ITPR1: variants seen among roughly 807,000 people sequenced by gnomAD.
The protein encoded by ITPR1 is inositol 1,4,5-trisphosphate-gated calcium channel ITPR1.
A neutral mutation model predicts 318.4 loss-of-function variants in ITPR1; 96 were observed. That is an observed-to-expected ratio of 0.30 (90% confidence interval 0.26 to 0.36). ITPR1 has a LOEUF of 0.36. Ranked by LOEUF, ITPR1 falls within the 10% of genes least tolerant of loss-of-function variation. ITPR1 has a pLI of 1.00. For missense variants in ITPR1, 2,440 were observed against 3,460.2 expected, an observed-to-expected ratio of 0.71 and a Z score of 7.40; for synonymous variants, 1,312 against 1,289.9, an observed-to-expected ratio of 1.02 and a Z score of -0.37.
At chr3:4,609,549 A>G (rs557944308) in intron 4 of ITPR1, among the ~76,000 whole-genome samples, 4 of 152,230 alleles carry the variant, frequency 2.6e-5, no homozygotes, top group South Asian at 2.1e-4. Context: ...TCAAAACTAT[A>G]TGAGGCCATG....
intron 4 of ITPR1, among the ~76,000 whole-genome samples, chr3:4,552,328 A>C (rs1363913885): frequency 6.6e-6 from 1 of 152,204 alleles, no homozygotes; most frequent in Non-Finnish European, 1.5e-5. Flanking sequence ...CTGACACACC[A>C]GTCTGGGCCT....
chr3:4,521,350 T>G lies in ITPR1; in HGVS notation c.163+256T>G, dbSNP rs536962042. Among the ~76,000 whole-genome samples, 3 of 152,324 alleles carry G rather than the reference T, an allele frequency of 2.0e-5. No individual in the cohort carries two copies. In the South Asian group the frequency reaches 6.2e-4, roughly 32 times the overall value. On this transcript the variant is annotated intron_variant, in intron 4 of 61. Transcript: ENST00000649015. ...TGACAAGTGCTAATTCGGTTTAAAGTCTTACATTTGTACAGGTATTTCTTC... is the reference window on the plus strand; with the variant it reads ...TGACAAGTGCTAATTCGGTTTAAAGGCTTACATTTGTACAGGTATTTCTTC...
At chr3:4,842,803 T>A (rs1472300166) in intron 61 of ITPR1, among the ~76,000 whole-genome samples, 3 of 152,228 alleles carry the variant, frequency 2.0e-5, no homozygotes, top group African/African-American at 7.2e-5. Flanking sequence ...GAGACTATTA[T>A]CTGACAAAAA....
intron 4 of ITPR1, among the ~76,000 whole-genome samples, chr3:4,604,315 G>A (rs1329928960): frequency 4.6e-5 from 7 of 152,154 alleles, no homozygotes; most frequent in Non-Finnish European, 1.0e-4. Flanking sequence ...TTGTGGAGGT[G>A]GAAGGGAGGT....
In ITPR1 at chr3:4,676,043, A is replaced by G. The variant is rs565278385; in HGVS notation, c.2780-571A>G. 3.3e-5 allele frequency among the ~76,000 whole-genome samples: 5 copies of G among 152,234 alleles called. No individual in the cohort carries two copies. In the South Asian group the frequency reaches 1.0e-3, roughly 32 times the overall value. On this transcript the variant is annotated intron_variant, in intron 23 of 61. Transcript: ENST00000649015. ...TGTGCTCATAACAAGCACATAGTTG[A>G]TGATCAATAAAATTTGGGCAGGGCA...
In ITPR1 at chr3:4,501,187, G is replaced by A. The variant is rs114691425; in HGVS notation, c.-17+6681G>A. On this transcript the variant is annotated intron_variant, in intron 2 of 61. Transcript: ENST00000649015. ...AAACTTTTTTTTTTTTTAATGACAT[G>A]CACTAGAATAGAAAACATGGAAGTG... Among the ~76,000 whole-genome samples the A allele has an allele frequency of 8.2e-3, 1,238 of 151,538 alleles. 13 individuals are homozygous for A. Among genetic ancestry groups the A allele is most frequent in the African/African-American group, 0.028 (1,171 of 41,248 alleles).
intron 51 of ITPR1, among the ~76,000 whole-genome samples, chr3:4,785,783 G>A (rs1449684594): frequency 6.6e-6 from 1 of 152,174 alleles, no homozygotes; most frequent in East Asian, 1.9e-4. Flanking sequence ...AGCTTTTTAG[G>A]GATGTTAGAA....
intron 40 of ITPR1, among the ~76,000 whole-genome samples, chr3:4,722,822 G>T (rs781004309): frequency 1.3e-5 from 2 of 152,158 alleles, no homozygotes; most frequent in Admixed American, 6.5e-5. Flanking sequence ...ATAAACCAAG[G>T]ATTAATTAGT....
rs541974401 is a variant in ITPR1, at chr3:4,621,891, G to T, written c.164-5872G>T. Among the ~76,000 whole-genome samples the T allele has an allele frequency of 5.3e-5, 8 of 152,290 alleles. 1 individual carries two copies. Among genetic ancestry groups the T allele is most frequent in the African/African-American group, 1.9e-4 (8 of 41,558 alleles). ...CAAGTTCAGATGCCACAGTCCTAGA[G>T]TTGCCTTTCCTGATGACCCTGTAGA... On this transcript the variant is annotated intron_variant, in intron 4 of 61. Transcript: ENST00000649015.
At position 4,820,416 on chromosome 3, in the gene ITPR1, G is replaced by A. The variant is rs146440240; in HGVS notation, c.8028+2174G>A. Among the ~76,000 whole-genome samples, 597 of 152,106 alleles carry A rather than the reference G, an allele frequency of 3.9e-3. 3 individuals are homozygous for A. Among genetic ancestry groups the A allele is most frequent in the African/African-American group, 0.014 (576 of 41,450 alleles). On this transcript the variant is annotated intron_variant, in intron 60 of 61. Transcript: ENST00000649015. ...TTTTCTCTTAATCACCTTACTTTCC[G>A]GTCACAGAAAACTCTGGCACACTTT...
At chr3:4,689,560 T>C (rs1419765964) in intron 31 of ITPR1, among the ~76,000 whole-genome samples, 3 of 152,210 alleles carry the variant, frequency 2.0e-5, no homozygotes, top group Admixed American at 2.0e-4. Context: ...ATCCAAAATG[T>C]GAAACCCTTG....
At chr3:4,709,701 T>A (rs568048475) in intron 37 of ITPR1, among the ~76,000 whole-genome samples, 88 of 152,382 alleles carry the variant, frequency 5.8e-4, no homozygotes, top group Non-Finnish European at 1.0e-3. Flanking sequence ...GCTATGTGTT[T>A]TGCATTTGAA....
intron 4 of ITPR1, among the ~76,000 whole-genome samples, chr3:4,568,773 G>T (rs900149747): frequency 6.6e-6 from 1 of 152,116 alleles, no homozygotes; most frequent in Non-Finnish European, 1.5e-5. Flanking sequence ...ATGTTGATGA[G>T]GGCTCTATGA....
intron 40 of ITPR1, among the ~76,000 whole-genome samples, 163 bp from the exon 41 acceptor site, chr3:4,725,383 C>T (rs933383231): frequency 2.6e-5 from 4 of 152,108 alleles, no homozygotes; most frequent in Non-Finnish European, 4.4e-5. Flanking sequence ...GGTATCTGGT[C>T]ACCTTGATTG....
chr3:4,627,072 C>G (rs1327636218), intron 4 of ITPR1, among the ~76,000 whole-genome samples: 1 of 152,054 alleles, frequency 6.6e-6, no homozygotes, highest in Non-Finnish European at 1.5e-5. Context: ...CCACCTGCCT[C>G]AGCCTCCCAA....
chr3:4,735,056 G>A, intron 43 of ITPR1, 108 bp from the exon 44 acceptor site: 1 of 816,756 alleles, frequency 1.2e-6, no homozygotes. Context: ...TAAAAGAGAT[G>A]AACATGGGTA....
At chr3:4,844,649 G>GA (rs1031958329) in intron 61 of ITPR1, among the ~76,000 whole-genome samples, 12 of 152,312 alleles carry the variant, frequency 7.9e-5, no homozygotes, top group African/African-American at 2.9e-4. Context: ...TTCCTGAGCC[G>GA]AATCTGTGGA....
intron 20 of ITPR1, chr3:4,671,474 C>T (rs534640433): frequency 9.9e-5 from 15 of 152,268 alleles, no homozygotes; most frequent in East Asian, 1.9e-4. Flanking sequence ...CATTCCAACA[C>T]CATAGGATTT....
At chr3:4,703,069 C>G (rs2094689151) in intron 36 of ITPR1, 119 bp downstream of exon 36, 1 of 1,144,278 alleles carries the variant, frequency 8.7e-7, no homozygotes, top group Admixed American at 2.7e-5. Flanking sequence ...CAGGAAGTTT[C>G]AGAGCCAGAC....
Sources: gnomAD v4.1 joint callset for allele counts (sites outside exome capture counted in the v4.1 genomes callset) on GRCh38, gnomAD v4.1.1 for gene constraint, MANE v1.5 for transcripts, NCBI Gene and HGNC (gene_info 2026-07-23, HGNC 2026-07-21) for gene names.